Variants in FSTL4 observed in about 807,000 individuals in gnomAD.
FSTL4 encodes follistatin like 4.
In FSTL4, 28 loss-of-function variants were observed where a neutral mutation model predicts 78.2. That is an observed-to-expected ratio of 0.36 (90% CI 0.27 to 0.49). FSTL4 has a LOEUF of 0.49. Among genes scored for constraint, FSTL4 ranks in the 20% least tolerant of loss-of-function variants. FSTL4 has a pLI of 0.98. For synonymous variants in FSTL4, 422 were observed against 440.5 expected, an observed-to-expected ratio of 0.96 and a Z score of 0.53; for missense variants, 922 against 1,084.9, an observed-to-expected ratio of 0.85 and a Z score of 2.11.
At chr5:133,590,379 G>C (rs1760598569) in intron 2 of FSTL4, among the ~76,000 whole-genome samples, 1 of 152,096 alleles carries the variant, frequency 6.6e-6, no homozygotes, top group Non-Finnish European at 1.5e-5. Context: ...GTATCTAGCT[G>C]GGAGCAAAGC....
intron 3 of FSTL4, among the ~76,000 whole-genome samples, chr5:133,427,976 G>A (rs1362151600): frequency 6.6e-6 from 1 of 152,148 alleles, no homozygotes; most frequent in Non-Finnish European, 1.5e-5. Context: ...GAACTCTTCT[G>A]GAGTCCCTAA....
At chr5:133,743,907 A>T in the FSTL4 span, among the ~76,000 whole-genome samples, 2 of 152,230 alleles carry the variant, frequency 1.3e-5, no homozygotes, top group Admixed American at 1.3e-4. Flanking sequence ...AGTCCAGTCA[A>T]AGTGAATCTC....
intron 3 of FSTL4, among the ~76,000 whole-genome samples, chr5:133,498,517 G>A (rs1032162327): frequency 6.6e-6 from 1 of 152,088 alleles, no homozygotes; most frequent in Non-Finnish European, 1.5e-5. Flanking sequence ...CTGGGAGTTC[G>A]AGATCAGCCT....
At chr5:133,598,669 C>T (rs1199104739) in intron 2 of FSTL4, among the ~76,000 whole-genome samples, 1 of 151,920 alleles carries the variant, frequency 6.6e-6, no homozygotes, top group Non-Finnish European at 1.5e-5. Context: ...ACCGCACCTG[C>T]AGAGGAAGTT....
At chr5:133,553,823 T>C (rs1759734814) in intron 3 of FSTL4, among the ~76,000 whole-genome samples, 1 of 152,166 alleles carries the variant, frequency 6.6e-6, no homozygotes, top group African/African-American at 2.4e-5. Flanking sequence ...CACTAGGATA[T>C]GGCGGCTAAG....
chr5:133,321,301 G>C (rs1754044208), intron 4 of FSTL4, among the ~76,000 whole-genome samples: 1 of 152,210 alleles, frequency 6.6e-6, no homozygotes, highest in Admixed American at 6.5e-5. Flanking sequence ...AACATCACCT[G>C]ATGTAAGCTG....
At chr5:133,566,229 G>GT (rs1760024335) in intron 3 of FSTL4, among the ~76,000 whole-genome samples, 1 of 152,188 alleles carries the variant, frequency 6.6e-6, no homozygotes, top group Non-Finnish European at 1.5e-5. Context: ...AAAAGTTTGT[G>GT]TTACCAAGGT....
At chr5:133,450,607 A>T (rs1040575492) in intron 3 of FSTL4, among the ~76,000 whole-genome samples, 1 of 152,264 alleles carries the variant, frequency 6.6e-6, no homozygotes, top group Non-Finnish European at 1.5e-5. Flanking sequence ...ATCCTCTCAC[A>T]TCATAAAGTT....
At chr5:133,201,586 T>G (rs1750322189) in intron 15 of FSTL4, among the ~76,000 whole-genome samples, 1 of 152,254 alleles carries the variant, frequency 6.6e-6, no homozygotes, top group Admixed American at 6.5e-5. Flanking sequence ...CCACTGGGAC[T>G]AGATTTTTGT....
At chr5:133,698,344 G>A in the FSTL4 span, among the ~76,000 whole-genome samples, 2 of 152,310 alleles carry the variant, frequency 1.3e-5, no homozygotes, top group East Asian at 1.9e-4. Context: ...AAAGAAGGAA[G>A]GACAGACAGA....
chr5:133,496,378 T>C (rs1758367309), intron 3 of FSTL4, among the ~76,000 whole-genome samples: 1 of 152,192 alleles, frequency 6.6e-6, no homozygotes, highest in African/African-American at 2.4e-5. Flanking sequence ...CTCTCTCTCA[T>C]GCTAACCCCC....
chr5:133,419,824 T>C (rs1270660985), intron 3 of FSTL4, among the ~76,000 whole-genome samples: 1 of 152,230 alleles, frequency 6.6e-6, no homozygotes, highest in Non-Finnish European at 1.5e-5. Flanking sequence ...CGTAGTGGTA[T>C]ATCACTGTGA....
chr5:133,445,630 T>A (rs1701201377), intron 3 of FSTL4, among the ~76,000 whole-genome samples: 1 of 152,112 alleles, frequency 6.6e-6, no homozygotes, highest in Non-Finnish European at 1.5e-5. Context: ...GTCTCTAAGA[T>A]ACCAAGCTGA....
the FSTL4 span, among the ~76,000 whole-genome samples, chr5:133,723,038 G>T: frequency 1.1e-4 from 16 of 152,272 alleles, no homozygotes; most frequent in Non-Finnish European, 1.6e-4. Context: ...GGTCTTACAG[G>T]GTACACTGGC....
At chr5:133,740,364 A>C in the FSTL4 span, among the ~76,000 whole-genome samples, 2 of 152,158 alleles carry the variant, frequency 1.3e-5, no homozygotes, top group Admixed American at 1.3e-4. Flanking sequence ...AAAGCAATCC[A>C]GGCCCATTTT....
At chr5:133,253,942 CT>C (rs1224200611) in intron 6 of FSTL4, among the ~76,000 whole-genome samples, 1 of 152,174 alleles carries the variant, frequency 6.6e-6, no homozygotes, top group Non-Finnish European at 1.5e-5. Flanking sequence ...CTCATCCATT[CT>C]GAGCTCCTCA....
chr5:133,494,351 CT>C (rs34418981), intron 3 of FSTL4, among the ~76,000 whole-genome samples: 15,982 of 140,836 alleles, frequency 0.11, 2,004 homozygotes, highest in African/African-American at 0.32. Context: ...CTTGTGATAT[CT>C]TTTTTTTTTT....
intron 6 of FSTL4, among the ~76,000 whole-genome samples, chr5:133,268,240 G>C (rs1177263558): frequency 6.6e-6 from 1 of 152,088 alleles, no homozygotes; most frequent in Admixed American, 6.5e-5. Context: ...CCCCTTCCTG[G>C]GAGCTTCATC....
chr5:133,300,052 C>T (rs574874870), intron 6 of FSTL4, among the ~76,000 whole-genome samples: 28 of 152,304 alleles, frequency 1.8e-4, no homozygotes, highest in African/African-American at 6.5e-4. Context: ...AAGCCCTTAG[C>T]TTTACCAGGA....
Sources: allele counts gnomAD v4.1 joint callset (sites outside exome capture counted in the v4.1 genomes callset), GRCh38; gene constraint gnomAD v4.1.1; transcripts MANE v1.5; gene names NCBI Gene and HGNC (gene_info 2026-07-23, HGNC 2026-07-21).